The following CSMD1 variants were observed in gnomAD, a reference collection of about 807,000 sequenced individuals.
CSMD1 encodes the protein CUB and Sushi multiple domains 1.
Under a neutral mutation model 417.5 loss-of-function variants are expected in CSMD1, and 213 were observed. That is an observed-to-expected ratio of 0.51 (90% CI 0.46 to 0.57). The LOEUF (loss-of-function observed/expected upper bound fraction) is 0.57. CSMD1 is among the 20% of genes least tolerant of loss of function. The pLI, the probability that CSMD1 is intolerant of heterozygous loss-of-function variation, is 0.00. For missense variants in CSMD1, 6,923 were observed against 4,529.7 expected (o/e 1.53, Z -15.17); for synonymous variants, 2,862 against 1,736.8 (o/e 1.65, Z -16.11).
intron 2 of CSMD1, among the ~76,000 whole-genome samples, chr8:4,438,518 A>G (rs1056007796): frequency 2.6e-5 from 4 of 152,192 alleles, no homozygotes; most frequent in Non-Finnish European, 5.9e-5. Flanking sequence ...ATGCAGGTGG[A>G]AGTCCCACTC....
intron 6 of CSMD1, among the ~76,000 whole-genome samples, chr8:3,752,940 T>G (rs1181954435): frequency 6.6e-6 from 1 of 152,136 alleles, no homozygotes; most frequent in Non-Finnish European, 1.5e-5. Context: ...TTTAGACCAG[T>G]TTGTTGAAAA....
chr8:3,779,523 C>T (rs993861459), intron 5 of CSMD1, among the ~76,000 whole-genome samples: 4 of 152,118 alleles, frequency 2.6e-5, no homozygotes, highest in African/African-American at 9.7e-5. Context: ...TGGAAAATTA[C>T]TCTGCTAAAT....
intron 3 of CSMD1, among the ~76,000 whole-genome samples, chr8:4,317,487 A>G (rs1352013437): frequency 6.6e-6 from 1 of 152,210 alleles, no homozygotes; most frequent in Non-Finnish European, 1.5e-5. Flanking sequence ...ATGTACATGC[A>G]CAATCACTAT....
chr8:3,829,460 G>C (rs1375462264), intron 5 of CSMD1, among the ~76,000 whole-genome samples: 2 of 152,126 alleles, frequency 1.3e-5, no homozygotes, highest in African/African-American at 4.8e-5. Context: ...GTTATCTGCA[G>C]AGCCCTTGCC....
At chr8:3,306,654 A>C (rs994810135) in intron 25 of CSMD1, among the ~76,000 whole-genome samples, 2 of 149,058 alleles carry the variant, frequency 1.3e-5, no homozygotes, top group African/African-American at 5.1e-5. Flanking sequence ...ATTAATAACA[A>C]CAATGAAACA....
intron 10 of CSMD1, among the ~76,000 whole-genome samples, chr8:3,523,607 G>A (rs1310632379): frequency 6.7e-6 from 1 of 150,356 alleles, no homozygotes; most frequent in Non-Finnish European, 1.5e-5. Context: ...ACATGTGCAT[G>A]TACACACACA....
chr8:4,976,885 G>A lies in CSMD1; in HGVS notation c.85+17447C>T, dbSNP rs181956972. ...TAAAGAAATATAGAGGGACATTGCTGGTCAGCTATAAACATAAAAAAAAAT... is the reference window on the plus strand; with the variant it reads ...TAAAGAAATATAGAGGGACATTGCTAGTCAGCTATAAACATAAAAAAAAAT... On this transcript the variant is annotated intron_variant, in intron 1 of 69. Coordinates refer to ENST00000635120, the MANE Select transcript of CSMD1 (RefSeq NM_033225.6). Among the ~76,000 whole-genome samples, 243 of 152,110 alleles carry A rather than the reference G, an allele frequency of 1.6e-3. 1 individual carries two copies. The highest frequency in any genetic ancestry group is 3.4e-3 in the Middle Eastern group (1 of 294).
At chr8:4,543,270 C>G (rs1797480847) in intron 2 of CSMD1, among the ~76,000 whole-genome samples, 1 of 152,138 alleles carries the variant, frequency 6.6e-6, no homozygotes, top group African/African-American at 2.4e-5. Flanking sequence ...GTGGACTGCC[C>G]TAAAGATCCC....
chr8:4,044,256 C>G (rs1057345496), intron 3 of CSMD1, among the ~76,000 whole-genome samples: 1 of 152,008 alleles, frequency 6.6e-6, no homozygotes. Flanking sequence ...TTCCTTATTG[C>G]AAATTAAAAA....
At position 2,966,677 on chromosome 8, in the gene CSMD1, G is replaced by C; in HGVS notation, c.8993C>G (p.Ser2998Cys). ...CCAGCAGGCATAGATGACCGAGCTGGAGAACAGAATGCCATCACTACTGAC... is the reference window on the plus strand; with the variant it reads ...CCAGCAGGCATAGATGACCGAGCTGCAGAACAGAATGCCATCACTACTGAC... ...MIVSSDGILFSSSVIYACWEG... is the reference protein window; with the variant it reads ...MIVSSDGILFCSSVIYACWEG... The change falls in exon 58 of 70, where the codon TCC becomes TGC. Residue 2998 changes from serine (S) to cysteine (C), a missense_variant. Transcript: ENST00000635120. 1 of 1,613,856 alleles carries C rather than the reference G, an allele frequency of 6.2e-7. No homozygotes were observed.
chr8:3,701,291 G>C (rs2469379), intron 7 of CSMD1, among the ~76,000 whole-genome samples: 4,864 of 152,248 alleles, frequency 0.032, 213 homozygotes, highest in African/African-American at 0.1. Context: ...ATGAATATGA[G>C]TGAGCTGGTT....
intron 1 of CSMD1, among the ~76,000 whole-genome samples, chr8:4,825,335 T>C (rs1375406754): frequency 2.6e-5 from 4 of 152,106 alleles, no homozygotes; most frequent in African/African-American, 9.7e-5. Context: ...ACAGATATTT[T>C]CTTGTGTGCG....
At chr8:3,946,456 G>A (rs1209365735) in intron 5 of CSMD1, among the ~76,000 whole-genome samples, 1 of 152,072 alleles carries the variant, frequency 6.6e-6, no homozygotes, top group African/African-American at 2.4e-5. Flanking sequence ...TCTTCAAATC[G>A]TATTATGTAA....
intron 3 of CSMD1, among the ~76,000 whole-genome samples, chr8:4,229,297 G>A (rs911365573): frequency 2.0e-5 from 3 of 152,144 alleles, no homozygotes; most frequent in Non-Finnish European, 4.4e-5. Context: ...TCAGTGGCTT[G>A]AGCCACCATT....
intron 1 of CSMD1, among the ~76,000 whole-genome samples, chr8:4,941,497 AAC>A (rs1418525931): frequency 6.6e-6 from 1 of 152,140 alleles, no homozygotes; most frequent in Non-Finnish European, 1.5e-5. Context: ...CTTCAGAATC[AAC>A]AGTTATCTAC....
intron 3 of CSMD1, among the ~76,000 whole-genome samples, chr8:4,217,462 G>C (rs902963476): frequency 1.3e-5 from 2 of 152,168 alleles, no homozygotes; most frequent in East Asian, 1.9e-4. Context: ...GCTATACACA[G>C]TGAATTAAAC....
intron 2 of CSMD1, among the ~76,000 whole-genome samples, chr8:4,509,188 TCATC>T (rs1802691607): frequency 6.6e-6 from 1 of 152,138 alleles, no homozygotes; most frequent in South Asian, 2.1e-4. Context: ...TTTAACAAAA[TCATC>T]CAAACATTAT....
At chr8:3,909,137 A>G (rs1392639585) in intron 5 of CSMD1, among the ~76,000 whole-genome samples, 2 of 152,162 alleles carry the variant, frequency 1.3e-5, no homozygotes, top group East Asian at 3.9e-4. Context: ...AGAGGCTTGA[A>G]GTGGATCGTG....
intron 41 of CSMD1, among the ~76,000 whole-genome samples, chr8:3,135,462 C>A (rs968317461): frequency 2.1e-4 from 30 of 143,974 alleles, no homozygotes; most frequent in Middle Eastern, 3.6e-3. Context: ...CTCTGTGAAC[C>A]GGCTTCTTCC....
Sources: allele counts gnomAD v4.1 joint callset (sites outside exome capture counted in the v4.1 genomes callset), GRCh38; gene constraint gnomAD v4.1.1; transcripts MANE v1.5; gene names NCBI Gene and HGNC (gene_info 2026-07-23, HGNC 2026-07-21).